Variants in TRAPPC12 observed in about 807,000 individuals in gnomAD.
TRAPPC12 encodes TPR repeat protein 15.
A neutral mutation model predicts 69.2 loss-of-function variants in TRAPPC12; 61 were observed. The observed-to-expected ratio is 0.88, with a 90% CI of 0.72 to 1.09. The LOEUF is 1.09. Ranked by LOEUF, TRAPPC12 falls within the 50% of genes least tolerant of loss-of-function variation. TRAPPC12 has a pLI of 0.00. For synonymous variants in TRAPPC12, 469 were observed against 438.9 expected, an observed-to-expected ratio of 1.07 and a Z score of -0.86; for missense variants, 1,101 against 1,016.4, an observed-to-expected ratio of 1.08 and a Z score of -1.13.
At chr2:3,425,086 ATTTAT>A (rs1663028897) in intron 5 of TRAPPC12, among the ~76,000 whole-genome samples, 1 of 152,242 alleles carries the variant, frequency 6.6e-6, no homozygotes, top group Non-Finnish European at 1.5e-5. Flanking sequence ...TTCTGATTTA[ATTTAT>A]TTTAAAAATC....
chr2:3,462,665 G>A (rs537968517), intron 8 of TRAPPC12, among the ~76,000 whole-genome samples: 126 of 152,372 alleles, frequency 8.3e-4, no homozygotes, highest in African/African-American at 2.9e-3. Flanking sequence ...ACAGTGGCAT[G>A]TATTATAAAG....
At position 3,388,226 on chromosome 2, in the gene TRAPPC12, G is replaced by GCCCAGC. The variant is rs1345017363; in HGVS notation, c.611_616dup (p.Pro204_Ser205dup). 1 of 1,608,700 alleles carries GCCCAGC rather than the reference G, an allele frequency of 6.2e-7. No homozygotes were observed. The highest frequency in any genetic ancestry group is 1.7e-5 in the Admixed American group (1 of 59,756). Reference sequence around the variant, plus strand: ...CCAGGACACCGCCCCAGGTCGTGCAGCCCAGCCCCAGCCTCAGCACGTTCT... The same window carrying GCCCAGC: ...CCAGGACACCGCCCCAGGTCGTGCAGCCCAGCCCCAGCCCCAGCCTCAGCACGTTCT... On this transcript the variant is annotated inframe_insertion, in exon 2 of 12. Coordinates refer to ENST00000324266, the MANE Select transcript of TRAPPC12 (RefSeq NM_016030.6).
chr2:3,389,623 G>A (rs1660709750), intron 2 of TRAPPC12: 1 of 470,140 alleles, frequency 2.1e-6, no homozygotes, highest in South Asian at 1.6e-5. Context: ...CTAAACGGGC[G>A]CATTAACAGA....
intron 8 of TRAPPC12, among the ~76,000 whole-genome samples, chr2:3,461,841 A>G (rs1449768609): frequency 6.7e-6 from 1 of 150,200 alleles, no homozygotes; most frequent in Non-Finnish European, 1.5e-5. Flanking sequence ...TGGCCTCTTC[A>G]CCACCCAAGG....
At chr2:3,422,758 T>C (rs1270408377) in intron 4 of TRAPPC12, among the ~76,000 whole-genome samples, 1 of 152,188 alleles carries the variant, frequency 6.6e-6, no homozygotes, top group Non-Finnish European at 1.5e-5. Context: ...CACCTCTCCA[T>C]CCATTGGTTT....
At chr2:3,380,647 G>T (rs967418316) in intron 1 of TRAPPC12, among the ~76,000 whole-genome samples, 1 of 152,224 alleles carries the variant, frequency 6.6e-6, no homozygotes, top group African/African-American at 2.4e-5. Context: ...CCCGTCTTGG[G>T]ATTGGGGTGG....
intron 2 of TRAPPC12, among the ~76,000 whole-genome samples, chr2:3,392,038 G>T (rs533388048): frequency 3.5e-4 from 53 of 152,262 alleles, no homozygotes; most frequent in African/African-American, 1.3e-3. Context: ...AACGGTCTTA[G>T]GTACATTTGG....
intron 8 of TRAPPC12, chr2:3,460,979 C>G (rs1277737238): frequency 6.6e-6 from 1 of 152,570 alleles, no homozygotes; most frequent in African/African-American, 2.4e-5. Context: ...CTGCAGCCAG[C>G]TGTGCGTACT....
intron 6 of TRAPPC12, chr2:3,456,885 G>A (rs1376258173): frequency 6.1e-6 from 2 of 325,516 alleles, no homozygotes; most frequent in Non-Finnish European, 1.2e-5. Flanking sequence ...TCCCAGAAGT[G>A]TTGGGATTAC....
In TRAPPC12 at chr2:3,387,836, C is replaced by T. The variant is rs11548217; in HGVS notation, c.213C>T (p.Leu71=). ...ACGAACACATGATGGAGAGCGTCCTCATCTCTGACTCCCCCAACAGCGAGG... is the reference window on the plus strand; with the variant it reads ...ACGAACACATGATGGAGAGCGTCCTTATCTCTGACTCCCCCAACAGCGAGG... ...KLNEHMMESV[L]ISDSPNSEGD... is the part of the protein sequence containing the mutation. The change falls in exon 2 of 12, where the codon CTC becomes CTT. Residue 71 remains leucine, a synonymous_variant. Transcript: ENST00000324266. The T allele has an allele frequency of 7.8e-5, 126 of 1,609,126 alleles. 1 individual carries two copies. In the Middle Eastern group the frequency reaches 2.8e-3, roughly 36 times the overall value.
intron 2 of TRAPPC12, among the ~76,000 whole-genome samples, chr2:3,391,188 G>A (rs982486618): frequency 2.6e-5 from 4 of 152,084 alleles, no homozygotes; most frequent in Non-Finnish European, 5.9e-5. Flanking sequence ...ATGACGGGGC[G>A]CCCCACCTCC....
At chr2:3,464,036 T>TG (rs1472259113) in intron 8 of TRAPPC12, among the ~76,000 whole-genome samples, 1 of 152,140 alleles carries the variant, frequency 6.6e-6, no homozygotes, top group Non-Finnish European at 1.5e-5. Flanking sequence ...CAGCTGCATC[T>TG]GGGGTGCCAT....
chr2:3,457,987 G>A (rs1034693949), intron 7 of TRAPPC12: 21 of 1,254,426 alleles, frequency 1.7e-5, no homozygotes, highest in East Asian at 1.1e-4. Flanking sequence ...GAGTGGGCGC[G>A]AGGAAGGAGC....
At chr2:3,421,557 T>C (rs1662785147) in intron 3 of TRAPPC12, 4 of 524,100 alleles carry the variant, frequency 7.6e-6, no homozygotes, top group African/African-American at 1.9e-5. Context: ...ACCAGTCATA[T>C]AGATTGAGAG....
chr2:3,428,480 A>G (rs1572145071), intron 5 of TRAPPC12, among the ~76,000 whole-genome samples: 1 of 152,228 alleles, frequency 6.6e-6, no homozygotes, highest in South Asian at 2.1e-4. Flanking sequence ...AAAAACTTTT[A>G]TGAATGAGCT....
rs370742506 is a variant in TRAPPC12 at position 3,403,174 on chromosome 2, A to G, written c.1164+1281A>G. Among the ~76,000 whole-genome samples, 7 of 150,916 alleles carry G rather than the reference A, an allele frequency of 4.6e-5. No homozygotes were observed. The East Asian group carries it at 7.8e-4, about 17-fold the overall frequency. On this transcript the variant is annotated intron_variant, in intron 3 of 11. Coordinates refer to ENST00000324266, the MANE Select transcript of TRAPPC12 (RefSeq NM_016030.6). ...TTACTTATTTTTCTAATAGTTCCCCATCTTGTTTTTCTCAATTGTTACTAA... is the reference window on the plus strand; with the variant it reads ...TTACTTATTTTTCTAATAGTTCCCCGTCTTGTTTTTCTCAATTGTTACTAA...
At chr2:3,390,988 T>C (rs941274103) in intron 2 of TRAPPC12, among the ~76,000 whole-genome samples, 5 of 152,208 alleles carry the variant, frequency 3.3e-5, no homozygotes, top group Non-Finnish European at 5.9e-5. Flanking sequence ...ACAGAATATT[T>C]AATGAGGTTC....
rs534190575 is a variant in TRAPPC12 at position 3,438,607 on chromosome 2, C to T, written c.1418-5172C>T. ...CCCCCCATCCCCCTGGGTTAATCCC[C>T]CATCACCCCTGGGAGCTTGGAGTCT... On this transcript the variant is annotated intron_variant, in intron 5 of 11. Transcript: ENST00000324266. Among the ~76,000 whole-genome samples, 133 of 151,440 alleles carry T rather than the reference C, an allele frequency of 8.8e-4. 1 individual carries two copies. The highest frequency in any genetic ancestry group is 3.2e-3 in the African/African-American group (130 of 41,218).
At chr2:3,421,435 G>C (rs1662778009) in intron 3 of TRAPPC12, among the ~76,000 whole-genome samples, 1 of 152,166 alleles carries the variant, frequency 6.6e-6, no homozygotes, top group Non-Finnish European at 1.5e-5. Context: ...AGTTATTTTA[G>C]AGTCATATGC....
Sources: gnomAD v4.1 joint callset for allele counts (sites outside exome capture counted in the v4.1 genomes callset) on GRCh38, gnomAD v4.1.1 for gene constraint, MANE v1.5 for transcripts, NCBI Gene and HGNC (gene_info 2026-07-23, HGNC 2026-07-21) for gene names.